Variants in ATP2B2 observed in about 807,000 individuals in gnomAD.
ATP2B2 encodes the protein plasma membrane calcium-transporting ATPase 2.
Under a neutral mutation model 120.0 loss-of-function variants are expected in ATP2B2, and 15 were observed. That is an observed-to-expected ratio of 0.12 (90% CI 0.08 to 0.19). ATP2B2 has a LOEUF of 0.19. Ranked by LOEUF, ATP2B2 falls within the 10% of genes least tolerant of loss-of-function variation. The pLI is 1.00. For synonymous variants in ATP2B2, 694 were observed against 700.3 expected, an observed-to-expected ratio of 0.99 and a Z score of 0.14; for missense variants, 1,045 against 1,719.8, an observed-to-expected ratio of 0.61 and a Z score of 6.94.
chr3:10,378,763 C>A (rs552991082), intron 9 of ATP2B2, among the ~76,000 whole-genome samples: 1 of 152,312 alleles, frequency 6.6e-6, no homozygotes, highest in Non-Finnish European at 1.5e-5. Flanking sequence ...GGCTTGGGCT[C>A]TACCCAGCTG....
intron 2 of ATP2B2, among the ~76,000 whole-genome samples, chr3:10,616,350 A>C (rs552029879): frequency 3.9e-5 from 6 of 152,364 alleles, no homozygotes; most frequent in Middle Eastern, 6.8e-3. Flanking sequence ...ATATAGGAGA[A>C]GTCAGCTGTC....
intron 1 of ATP2B2, among the ~76,000 whole-genome samples, chr3:10,498,131 C>A (rs2066230174): frequency 6.6e-6 from 1 of 152,240 alleles, no homozygotes. Flanking sequence ...AAATGTATAT[C>A]TTGGAATCCG....
chr3:10,389,573 A>T (rs1035649599), intron 5 of ATP2B2, among the ~76,000 whole-genome samples: 5 of 151,978 alleles, frequency 3.3e-5, no homozygotes, highest in Non-Finnish European at 7.4e-5. Context: ...AGAGATAGAA[A>T]GTAGAATGGT....
intron 3 of ATP2B2, among the ~76,000 whole-genome samples, chr3:10,532,230 G>C (rs1284768195): frequency 6.6e-6 from 1 of 152,124 alleles, no homozygotes; most frequent in Admixed American, 6.5e-5. Context: ...CTGAGGCCAG[G>C]GGTCTCTTTG....
intron 2 of ATP2B2, among the ~76,000 whole-genome samples, chr3:10,559,712 C>T (rs2067860383): frequency 1.3e-5 from 2 of 152,196 alleles, no homozygotes; most frequent in Non-Finnish European, 2.9e-5. Context: ...AGATAATCTG[C>T]ACAACTCATT....
chr3:10,345,951 T>A, intron 17 of ATP2B2, 80 bp downstream of exon 17: 3 of 1,406,382 alleles, frequency 2.1e-6, no homozygotes, highest in Non-Finnish European at 2.9e-6. Flanking sequence ...GAACTGGGGC[T>A]CCTGAGTAGC....
chr3:10,660,646 C>T (rs1238603887), intron 1 of ATP2B2, among the ~76,000 whole-genome samples: 6 of 152,184 alleles, frequency 3.9e-5, no homozygotes, highest in Non-Finnish European at 7.4e-5. Context: ...CAGACGGATT[C>T]ACAGCCGAAT....
At chr3:10,668,479 G>A (rs1559512649) in intron 1 of ATP2B2, among the ~76,000 whole-genome samples, 1 of 152,180 alleles carries the variant, frequency 6.6e-6, no homozygotes, top group South Asian at 2.1e-4. Flanking sequence ...TATCCACCAG[G>A]TCACTTTAAA....
At position 10,484,366 on chromosome 3, in the gene ATP2B2, G is replaced by C. The variant is rs1009965; in HGVS notation, c.-320+21099C>G. Among the ~76,000 whole-genome samples the C allele has an allele frequency of 4.6e-5, 7 of 152,032 alleles. No individual in the cohort carries two copies. The South Asian group carries it at 1.5e-3, about 32-fold the overall frequency. ...CCTCTCCCGTGGGCACAGGCTCCTCGGGTGAGATTCTAGAAGGGACAGGCT... is the reference window on the plus strand; with the variant it reads ...CCTCTCCCGTGGGCACAGGCTCCTCCGGTGAGATTCTAGAAGGGACAGGCT... On this transcript the variant is annotated intron_variant, in intron 1 of 22. Transcript: ENST00000360273.
At chr3:10,500,539 A>C (rs2165) in intron 1 of ATP2B2, among the ~76,000 whole-genome samples, 72,247 of 151,424 alleles carry the variant, frequency 0.48, 17,519 homozygotes, top group South Asian at 0.59. Context: ...TTAGAAGCAG[A>C]GGAGAGGACA....
intron 8 of ATP2B2, among the ~76,000 whole-genome samples, chr3:10,384,186 G>A (rs2061607574): frequency 6.6e-6 from 1 of 152,230 alleles, no homozygotes; most frequent in African/African-American, 2.4e-5. Context: ...GGTGGCTTGG[G>A]GAGAGGTCTA....
chr3:10,372,108 G>C, intron 11 of ATP2B2, 57 bp from the exon 12 acceptor site: 3 of 1,612,262 alleles, frequency 1.9e-6, no homozygotes, highest in Non-Finnish European at 2.5e-6. Context: ...GGGAGCATGG[G>C]GTGCCTGGAG....
chr3:10,388,293 C>G lies in ATP2B2; in HGVS notation c.891G>C (p.Glu297Asp). 1 of 1,614,174 alleles carries G rather than the reference C, an allele frequency of 6.2e-7. No individual in the cohort carries two copies. Among genetic ancestry groups the G allele is most frequent in the Non-Finnish European group, 8.5e-7 (1 of 1,180,024 alleles). ...TAGGCTTACCTTTTTTGTCTTTCTT[C>G]TCTTCCTCTTCACCACCAGCCCCCA... is the stretch of plus-strand genomic sequence containing the variant. ...TLLGAGGEEE[E>D]KKDKKGVKKG... is the part of the protein sequence containing the mutation. The change falls in exon 6 of 23, where the codon GAG becomes GAC. Residue 297 changes from glutamate to aspartate, a missense_variant. Physicochemically the swap from Glu to Asp is conservative, Grantham distance 45. Coordinates refer to ENST00000360273, the MANE Select transcript of ATP2B2 (RefSeq NM_001001331.4).
At chr3:10,390,516 G>A (rs1302043571) in intron 5 of ATP2B2, among the ~76,000 whole-genome samples, 1 of 151,766 alleles carries the variant, frequency 6.6e-6, no homozygotes, top group African/African-American at 2.4e-5. Flanking sequence ...GTGTGTGTGT[G>A]TGTGTGTGCG....
At chr3:10,344,619 C>A (rs532247773) in intron 18 of ATP2B2, among the ~76,000 whole-genome samples, 3 of 152,328 alleles carry the variant, frequency 2.0e-5, no homozygotes, top group African/African-American at 7.2e-5. Context: ...GAGACCCATT[C>A]TTGCCTCCCT....
At chr3:10,551,073 C>A (rs910425638) in intron 2 of ATP2B2, among the ~76,000 whole-genome samples, 1 of 152,192 alleles carries the variant, frequency 6.6e-6, no homozygotes, top group African/African-American at 2.4e-5. Context: ...TCATTTAGGT[C>A]TCTTTCTGGC....
At chr3:10,706,039 G>A (rs1002652440) in intron 1 of ATP2B2, among the ~76,000 whole-genome samples, 2 of 152,210 alleles carry the variant, frequency 1.3e-5, no homozygotes, top group Non-Finnish European at 2.9e-5. Flanking sequence ...TTTATCAAAT[G>A]AACAAATGAG....
At position 10,328,727 on chromosome 3, in the gene ATP2B2, G is replaced by T; in HGVS notation, c.*87C>A. The stretch of plus-strand genomic sequence containing the variant: ...GATTGTTGCTCGTTGCTGCTTGGGT[G>T]AGTTGGGTGCCTGGATGGATGGGTG... On this transcript the variant is annotated 3_prime_UTR_variant, in exon 23 of 23. Transcript: ENST00000360273. 1 of 1,367,814 alleles carries T rather than the reference G, an allele frequency of 7.3e-7. No individual in the cohort carries two copies. The highest frequency in any genetic ancestry group is 1.4e-5 in the South Asian group (1 of 70,788). The allele number at this position is 1,367,814 out of a possible 1,614,324, so 84.7% of individuals were successfully genotyped here. A position where few individuals can be genotyped will look rare whatever the true frequency, so the allele number is the denominator to read the frequency against.
Position 10,347,970 on chromosome 3 carries a change from G to A in ATP2B2, c.2405-1833C>T, listed in dbSNP as rs1161273130. Among the ~76,000 whole-genome samples the A allele has an allele frequency of 4.6e-5, 7 of 151,830 alleles. No homozygotes were observed. The East Asian group carries it at 7.7e-4, about 17-fold the overall frequency. ...CACAGGCCTCCTTCCTTGTCTTCCCGGCACCACTCCCCACTGACCATCCTC... is the reference window on the plus strand; with the variant it reads ...CACAGGCCTCCTTCCTTGTCTTCCCAGCACCACTCCCCACTGACCATCCTC... On this transcript the variant is annotated intron_variant, in intron 16 of 22. Transcript: ENST00000360273. This position sits in a 1 kb window ranked among gnomAD's most constrained non-coding sequence, Gnocchi z 5.2.
Sources: gnomAD v4.1 joint callset for allele counts (sites outside exome capture counted in the v4.1 genomes callset) on GRCh38, gnomAD v4.1.1 for gene constraint, Gnocchi (gnomAD v3.1) non-coding constraint, MANE v1.5 for transcripts, NCBI Gene and HGNC (gene_info 2026-07-23, HGNC 2026-07-21) for gene names.